JPT1: variants seen among roughly 807,000 people sequenced by gnomAD.
JPT1 encodes the protein Jupiter microtubule associated homolog 1.
JPT1 carries 5 observed loss-of-function variants against 17.0 expected under a neutral mutation model. The ratio of observed to expected loss-of-function variants is 0.29; its 90% CI spans 0.15 to 0.62. The LOEUF (loss-of-function observed/expected upper bound fraction) is 0.62. Among genes scored for constraint, JPT1 ranks in the 20% least tolerant of loss-of-function variants. The pLI is 0.85. For missense variants in JPT1, 158 were observed against 188.1 expected (o/e 0.84, Z 0.94); for synonymous variants, 71 against 73.6 (o/e 0.96, Z 0.18).
At chr17:75,146,139 G>A (rs2074428487) in intron 4 of JPT1, among the ~76,000 whole-genome samples, 1 of 152,004 alleles carries the variant, frequency 6.6e-6, no homozygotes, top group African/African-American at 2.4e-5. Flanking sequence ...ATGTGTGTGT[G>A]TTTAGATATA....
intron 4 of JPT1, among the ~76,000 whole-genome samples, chr17:75,136,872 T>C (rs1351489165): frequency 6.6e-6 from 1 of 152,222 alleles, no homozygotes; most frequent in African/African-American, 2.4e-5. Context: ...CTGCTCCCCC[T>C]ATTCCCAGAG....
intron 2 of JPT1, chr17:75,147,923 C>T: frequency 7.8e-6 from 3 of 386,064 alleles, no homozygotes; most frequent in Non-Finnish European, 1.5e-5. Flanking sequence ...CACTTGAACT[C>T]GGGAGGTGGA....
chr17:75,141,938 G>A (rs2074318732), intron 4 of JPT1, among the ~76,000 whole-genome samples: 2 of 151,632 alleles, frequency 1.3e-5, no homozygotes, highest in South Asian at 2.1e-4. Flanking sequence ...CTGTAGTGGC[G>A]CACACCTGTA....
intron 1 of JPT1, chr17:75,152,806 T>C (rs1431817829): frequency 1.3e-5 from 2 of 152,164 alleles, no homozygotes; most frequent in Non-Finnish European, 2.9e-5. Flanking sequence ...AATCATCTCA[T>C]TGGAAAGAAA....
chr17:75,148,726 T>A (rs2074488021), intron 1 of JPT1, 55 bp from the exon 2 acceptor site: 2 of 1,596,900 alleles, frequency 1.3e-6, no homozygotes, highest in Admixed American at 3.4e-5. Flanking sequence ...TTTCTTGGCA[T>A]AAATCTTTTC....
intron 4 of JPT1, among the ~76,000 whole-genome samples, chr17:75,144,237 AC>A (rs2145177380): frequency 6.6e-6 from 1 of 152,248 alleles, no homozygotes; most frequent in South Asian, 2.1e-4. Flanking sequence ...ATCCTTCGTA[AC>A]AACCCAGGTA....
chr17:75,151,548 C>T (rs1329353456), intron 1 of JPT1, among the ~76,000 whole-genome samples: 4 of 151,966 alleles, frequency 2.6e-5, no homozygotes, highest in African/African-American at 7.2e-5. Context: ...CCCGACTATT[C>T]AGGAGGCTGA....
chr17:75,135,873 A>T lies in JPT1; in HGVS notation c.*229T>A, dbSNP rs886285276. The T allele has an allele frequency of 1.1e-5, 9 of 843,208 alleles. No individual in the cohort carries two copies. Among genetic ancestry groups the T allele is most frequent in the African/African-American group, 1.7e-5 (1 of 57,944 alleles). 52.2% of individuals were successfully genotyped at this position (843,208 alleles called of 1,614,324 possible). On this transcript the variant is annotated 3_prime_UTR_variant, in exon 5 of 5. Transcript: ENST00000409753. ...AAAAACACAGTACTAAGTGTCACAAAGCTTTCCCTCCAATCTACTACTAGA... is the reference window on the plus strand; with the variant it reads ...AAAAACACAGTACTAAGTGTCACAATGCTTTCCCTCCAATCTACTACTAGA...
At chr17:75,137,769 T>C (rs899377078) in intron 4 of JPT1, among the ~76,000 whole-genome samples, 5 of 138,552 alleles carry the variant, frequency 3.6e-5, no homozygotes, top group Non-Finnish European at 7.5e-5. Flanking sequence ...TGCCTCAGCC[T>C]CCCGAGTAGC....
At chr17:75,151,347 GATAATAATA>G (rs202245320) in intron 1 of JPT1, among the ~76,000 whole-genome samples, 1 of 150,152 alleles carries the variant, frequency 6.7e-6, no homozygotes, top group South Asian at 2.1e-4. Flanking sequence ...AAATAATAAT[GATAATAATA>G]ATAATAATAA....
intron 4 of JPT1, among the ~76,000 whole-genome samples, chr17:75,138,106 G>A (rs2074242331): frequency 6.6e-6 from 1 of 151,822 alleles, no homozygotes; most frequent in African/African-American, 2.4e-5. Flanking sequence ...GATTATAGGT[G>A]CCCGCTACAA....
In JPT1 at chr17:75,135,344, C is replaced by A. The variant is rs922527143; in HGVS notation, c.*758G>T. 6.6e-6 allele frequency: 1 copy of A among 152,628 alleles called. No homozygotes were observed. The highest frequency in any genetic ancestry group is 1.5e-5 in the Non-Finnish European group (1 of 68,060). The allele number at this position is 152,628 out of a possible 1,614,324, so 9.5% of individuals were successfully genotyped here. A position where few individuals can be genotyped will look rare whatever the true frequency, so the allele number is the denominator to read the frequency against. On this transcript the variant is annotated 3_prime_UTR_variant, in exon 5 of 5. Coordinates refer to ENST00000409753, the MANE Select transcript of JPT1 (RefSeq NM_016185.4). ...AGACTTTCCTTTCATGGTCAAGCAC[C>A]AGCATCATGCACACAGCATCAGGTT...
chr17:75,138,337 T>C (rs1354126331), intron 4 of JPT1: 5 of 152,160 alleles, frequency 3.3e-5, no homozygotes, highest in Admixed American at 3.3e-4. Flanking sequence ...AAGATATTCG[T>C]AAAAATATTT....
intron 4 of JPT1, among the ~76,000 whole-genome samples, chr17:75,137,685 C>CTT (rs60118585): frequency 0.05 from 5,669 of 112,304 alleles, 1,282 homozygotes; most frequent in African/African-American, 0.24. Flanking sequence ...CCTAGTTTTC[C>CTT]TTTTTTTTTT....
At chr17:75,150,517 G>A (rs2074528236) in intron 1 of JPT1, among the ~76,000 whole-genome samples, 1 of 152,036 alleles carries the variant, frequency 6.6e-6, no homozygotes. Context: ...CTCCCAAAGT[G>A]CTGGGATTAC....
chr17:75,149,148 C>A, intron 1 of JPT1: 1 of 723,630 alleles, frequency 1.4e-6, no homozygotes, highest in Non-Finnish European at 2.1e-6. Context: ...CCTAGGAGTT[C>A]AAGACCAGCC....
At chr17:75,149,282 G>A (rs961506560) in intron 1 of JPT1, 2 of 331,890 alleles carry the variant, frequency 6.0e-6, no homozygotes, top group Admixed American at 4.0e-5. Context: ...TTTCGGCCGG[G>A]AGGTCAAGGC....
intron 4 of JPT1, among the ~76,000 whole-genome samples, chr17:75,140,208 G>A (rs1280159913): frequency 1.3e-5 from 2 of 151,814 alleles, no homozygotes; most frequent in East Asian, 1.9e-4. Context: ...GAGCCACCGC[G>A]CCCAGCCAAA....
At position 75,136,325 on chromosome 17, in the gene JPT1, T is replaced by C. The variant is rs747288717; in HGVS notation, c.317-75A>G. 12 of 1,447,210 alleles carry C rather than the reference T, an allele frequency of 8.3e-6. No individual in the cohort carries two copies. The African/African-American group carries it at 1.6e-4, about 19-fold the overall frequency. 89.6% of individuals were successfully genotyped at this position (1,447,210 alleles called of 1,614,324 possible). On this transcript the variant is annotated intron_variant, in intron 4 of 4. Coordinates refer to ENST00000409753, the MANE Select transcript of JPT1 (RefSeq NM_016185.4). ...GTTAAGATCAAGGATCTGTTTCTCT[T>C]TTTCTTTTTTTTTTGGTTTGATGGT...
Sources: gnomAD v4.1 joint callset for allele counts (sites outside exome capture counted in the v4.1 genomes callset) on GRCh38, gnomAD v4.1.1 for gene constraint, MANE v1.5 for transcripts, NCBI Gene and HGNC (gene_info 2026-07-23, HGNC 2026-07-21) for gene names.